Variants in IMPA2 observed in about 807,000 individuals in gnomAD.
IMPA2 encodes the protein IMP 2.
Under a neutral mutation model 35.1 loss-of-function variants are expected in IMPA2, and 32 were observed. The observed-to-expected ratio is 0.91, with a 90% CI of 0.69 to 1.23. IMPA2 has a LOEUF of 1.23. Ranked by LOEUF, IMPA2 falls within the 50% of genes most tolerant of loss-of-function variation. The pLI is 0.00. For missense variants in IMPA2, 334 were observed against 387.6 expected, an observed-to-expected ratio of 0.86 and a Z score of 1.16; for synonymous variants, 135 against 160.6, an observed-to-expected ratio of 0.84 and a Z score of 1.20.
At chr18:11,985,168 A>G (rs1422759630) in intron 1 of IMPA2, among the ~76,000 whole-genome samples, 6 of 148,820 alleles carry the variant, frequency 4.0e-5, no homozygotes, top group South Asian at 2.1e-4. Context: ...AAAAAAAAAA[A>G]AGAGAAAATA....
chr18:12,001,868 C>G (rs1198457478), intron 2 of IMPA2, among the ~76,000 whole-genome samples: 1 of 152,172 alleles, frequency 6.6e-6, no homozygotes, highest in Non-Finnish European at 1.5e-5. Context: ...TCTGGGGTTC[C>G]CAAGCTCTAG....
intron 6 of IMPA2, chr18:12,028,636 A>T: frequency 1.7e-6 from 1 of 603,946 alleles, no homozygotes; most frequent in African/African-American, 1.9e-5. Flanking sequence ...GGGAGCTGTC[A>T]TGGCACAAGG....
At chr18:11,988,001 CTTTTTTTTTTT>C (rs71172043) in intron 1 of IMPA2, among the ~76,000 whole-genome samples, 1 of 101,862 alleles carries the variant, frequency 9.8e-6, no homozygotes, top group Non-Finnish European at 1.8e-5. Context: ...TGTTTATTGG[CTTTTTTTTTTT>C]TTTTTTTTTT....
chr18:11,984,131 T>C (rs947582607), intron 1 of IMPA2, among the ~76,000 whole-genome samples: 1 of 152,172 alleles, frequency 6.6e-6, no homozygotes, highest in African/African-American at 2.4e-5. Flanking sequence ...CTGTCCTTTC[T>C]CTCTTAGACT....
At position 11,999,132 on chromosome 18, in the gene IMPA2, C is replaced by G; in HGVS notation, c.175C>G (p.His59Asp). 2 of 1,613,746 alleles carry G rather than the reference C, an allele frequency of 1.2e-6. No individual in the cohort carries two copies. The highest frequency in any genetic ancestry group is 1.7e-6 in the Non-Finnish European group (2 of 1,179,744). The change falls in exon 2 of 8, where the codon CAC becomes GAC. Residue 59 changes from histidine (H) to aspartate (D), a missense_variant. By Grantham distance (81) the His-to-Asp change is moderately conservative. Transcript: ENST00000269159. ...TGCAGATCTTGTGACAGAAACAGAT[C>G]ACCTTGTGGAAGATTTAATTATTTC... ...SAADLVTETDHLVEDLIISEL... is the reference protein window; with the variant it reads ...SAADLVTETDDLVEDLIISEL...
intron 7 of IMPA2, among the ~76,000 whole-genome samples, chr18:12,029,777 G>A (rs1465230747): frequency 6.6e-6 from 1 of 152,222 alleles, no homozygotes; most frequent in African/African-American, 2.4e-5. Flanking sequence ...AGCACCTGAA[G>A]GCTCACGTAT....
intron 5 of IMPA2, among the ~76,000 whole-genome samples, chr18:12,022,905 G>A (rs563256851): frequency 2.7e-5 from 4 of 147,552 alleles, no homozygotes; most frequent in Non-Finnish European, 5.9e-5. Context: ...CTCTCCAGTA[G>A]CTGGGATTAC....
intron 1 of IMPA2, among the ~76,000 whole-genome samples, chr18:11,983,537 C>T (rs1906566715): frequency 1.3e-5 from 2 of 152,138 alleles, no homozygotes; most frequent in South Asian, 2.1e-4. Flanking sequence ...GCATAAAGAG[C>T]TTGCAATAGA....
intron 1 of IMPA2, among the ~76,000 whole-genome samples, chr18:11,987,289 A>G (rs894363901): frequency 6.6e-6 from 1 of 152,192 alleles, no homozygotes; most frequent in Non-Finnish European, 1.5e-5. Context: ...ATGGTATTTT[A>G]TTATGTGAGT....
chr18:12,003,149 C>T (rs1179485369), intron 2 of IMPA2, among the ~76,000 whole-genome samples: 2 of 149,890 alleles, frequency 1.3e-5, no homozygotes, highest in South Asian at 4.3e-4. Flanking sequence ...GAGCTGAGAT[C>T]ACGCCACTGC....
intron 1 of IMPA2, among the ~76,000 whole-genome samples, chr18:11,984,246 C>T (rs988908802): frequency 4.6e-5 from 7 of 152,232 alleles, no homozygotes; most frequent in Non-Finnish European, 5.9e-5. Context: ...CCTGCCCCCT[C>T]CATGCTTCTG....
intron 2 of IMPA2, among the ~76,000 whole-genome samples, chr18:12,009,620 G>A (rs971954884): frequency 1.3e-5 from 2 of 152,058 alleles, no homozygotes. Context: ...TCTCTGCCTG[G>A]CCTGCTGGAA....
At chr18:12,017,982 C>A (rs574444613) in intron 5 of IMPA2, 39 of 169,528 alleles carry the variant, frequency 2.3e-4, no homozygotes, top group Non-Finnish European at 4.7e-4. Flanking sequence ...ACTCTTGTTG[C>A]CCAGGCTGGA....
chr18:12,028,786 C>T (rs1907954760), intron 6 of IMPA2, 56 bp from the exon 7 acceptor site: 2 of 1,570,624 alleles, frequency 1.3e-6, no homozygotes, highest in Non-Finnish European at 1.7e-6. Context: ...TCGGCTTGCA[C>T]ACCACAGAAA....
chr18:11,981,828 G>T, intron 1 of IMPA2, 63 bp downstream of exon 1: 5 of 1,080,064 alleles, frequency 4.6e-6, no homozygotes, highest in Non-Finnish European at 5.9e-6. Context: ...CTTGGGAGCC[G>T]CCTGGAGTGG....
intron 5 of IMPA2, 110 bp from the exon 6 acceptor site, chr18:12,027,933 C>G: frequency 1.4e-6 from 1 of 689,662 alleles, no homozygotes; most frequent in Non-Finnish European, 2.5e-6. Context: ...ATGAACCAGT[C>G]GAAAGATGAT....
intron 6 of IMPA2, chr18:12,028,540 A>G: frequency 2.2e-6 from 1 of 455,036 alleles, no homozygotes. Context: ...GCCATGTGAG[A>G]CCACTGACAC....
chr18:12,021,051 A>C (rs1458764431), intron 5 of IMPA2, among the ~76,000 whole-genome samples: 1 of 151,946 alleles, frequency 6.6e-6, no homozygotes. Flanking sequence ...TTGTAGTTTC[A>C]TGGTTCTAGA....
At chr18:12,001,687 C>A (rs112377235) in intron 2 of IMPA2, among the ~76,000 whole-genome samples, 2 of 152,154 alleles carry the variant, frequency 1.3e-5, no homozygotes, top group Admixed American at 1.3e-4. Flanking sequence ...TGCCAGGGAC[C>A]GCCAGACTCC....
Sources: gnomAD v4.1 joint callset for allele counts (sites outside exome capture counted in the v4.1 genomes callset) on GRCh38, gnomAD v4.1.1 for gene constraint, MANE v1.5 for transcripts, NCBI Gene and HGNC (gene_info 2026-07-23, HGNC 2026-07-21) for gene names.